DHRS7: variants seen among roughly 807,000 people sequenced by gnomAD.
DHRS7 encodes the protein dehydrogenase/reductase 7.
DHRS7 carries 34 observed loss-of-function variants against 38.9 expected under a neutral mutation model. That is an observed-to-expected ratio of 0.87 (90% confidence interval 0.66 to 1.16). The LOEUF is 1.16. Among genes scored for constraint, DHRS7 ranks in the 50% most tolerant of loss-of-function variants. The probability of loss-of-function intolerance (pLI) is 0.00; values close to 1 mark genes in which losing one functional copy is unlikely to be tolerated. For missense variants in DHRS7, 421 were observed against 407.0 expected (o/e 1.03, Z -0.30); for synonymous variants, 158 against 153.1 (o/e 1.03, Z -0.24).
At chr14:60,163,797 T>A (rs12434409) in intron 1 of DHRS7, among the ~76,000 whole-genome samples, 3,257 of 152,300 alleles carry the variant, frequency 0.021, 118 homozygotes, top group African/African-American at 0.075. Flanking sequence ...AAATATAATC[T>A]ATTTTCGTTT....
At chr14:60,167,155 TGAG>T (rs1896878834), upstream of DHRS7, among the ~76,000 whole-genome samples, 1 of 152,354 alleles carries the variant, frequency 6.6e-6, no homozygotes, top group African/African-American at 2.4e-5. Context: ...GATAAATGCT[TGAG>T]GGGGTGGATA....
chr14:60,163,495 A>G (rs1896804073), intron 1 of DHRS7, among the ~76,000 whole-genome samples: 1 of 152,224 alleles, frequency 6.6e-6, no homozygotes, highest in Non-Finnish European at 1.5e-5. Context: ...GATAAATAGC[A>G]ATTTATCAAA....
upstream of DHRS7, chr14:60,169,131 AC>A (rs753887334): frequency 1.0e-4 from 12 of 119,004 alleles, no homozygotes; most frequent in African/African-American, 3.0e-4. Flanking sequence ...AACAAAAGAA[AC>A]CAAAAAAAAA....
At chr14:60,150,498 G>A (rs959828202) in intron 4 of DHRS7, among the ~76,000 whole-genome samples, 1 of 151,850 alleles carries the variant, frequency 6.6e-6, no homozygotes, top group Non-Finnish European at 1.5e-5. Flanking sequence ...CCCACTGTGT[G>A]ATGTTCCCCT....
At position 60,146,246 on chromosome 14, in the gene DHRS7, G is replaced by A. The variant is rs994915609; in HGVS notation, c.973-1233C>T. On this transcript the variant is annotated intron_variant, in intron 6 of 6. Coordinates refer to ENST00000557185, the MANE Select transcript of DHRS7 (RefSeq NM_016029.4). The surrounding 1 kb of genome is among the most constrained non-coding windows in gnomAD (Gnocchi z 4.9). ...AAAAACCTAGATGTAAAAAAAATGC[G>A]AGATTTGCTAAATGATGTTTATATT... 6.6e-5 allele frequency: 10 copies of A among 151,868 alleles called. No individual in the cohort carries two copies. Among genetic ancestry groups the A allele is most frequent in the Non-Finnish European group, 1.3e-4 (9 of 67,960 alleles). 9.4% of individuals were successfully genotyped at this position (151,868 alleles called of 1,614,324 possible). A position where few individuals can be genotyped will look rare whatever the true frequency, so the allele number is the denominator to read the frequency against.
In DHRS7 at chr14:60,153,877, C is replaced by G. The variant is rs1896601530; in HGVS notation, c.393+82G>C. 1 of 1,324,966 alleles carries G rather than the reference C, an allele frequency of 7.5e-7. No individual in the cohort carries two copies. Among genetic ancestry groups the G allele is most frequent in the Non-Finnish European group, 1.1e-6 (1 of 922,714 alleles). The allele number at this position is 1,324,966 out of a possible 1,614,324, so 82.1% of individuals were successfully genotyped here. A position where few individuals can be genotyped will look rare whatever the true frequency, so the allele number is the denominator to read the frequency against. The stretch of plus-strand genomic sequence containing the variant: ...GCATGGACCCCACTTGCCTAAAGCC[C>G]TTTGTATGACAGCACCACGGATGGG... On this transcript the variant is annotated intron_variant, in intron 3 of 6. Transcript: ENST00000557185. The surrounding 1 kb of genome is among the most constrained non-coding windows in gnomAD (Gnocchi z 4.4).
rs191428528 is a variant in DHRS7, at chr14:60,160,899, C to T, written c.133+4278G>A. On this transcript the variant is annotated intron_variant, in intron 1 of 6. Coordinates refer to ENST00000557185, the MANE Select transcript of DHRS7 (RefSeq NM_016029.4). Reference sequence around the variant, plus strand: ...AGCTACCGCATCTGGCCAACTTTGACTAATCTTATGTACCACATCTGGAAG... The same window carrying T: ...AGCTACCGCATCTGGCCAACTTTGATTAATCTTATGTACCACATCTGGAAG... 2.8e-4 allele frequency among the ~76,000 whole-genome samples: 43 copies of T among 152,270 alleles called. No homozygotes were observed. The East Asian group carries it at 5.6e-3, about 20-fold the overall frequency.
Position 60,149,414 on chromosome 14 carries a change from C to T in DHRS7, c.911G>A (p.Trp304Ter), listed in dbSNP as rs976889155. 15 of 1,614,146 alleles carry T rather than the reference C, an allele frequency of 9.3e-6. No homozygotes were observed. The highest frequency in any genetic ancestry group is 1.6e-4 in the Middle Eastern group (1 of 6,062). ...VTYLWQYMPT[W>*]AWWITNKMGK... ...CATCTTGTTGGTTATCCACCAGGCC[C>T]AGGTTGGCATGTATTGCCACAAATA... Residue 304 changes from tryptophan to a stop codon, truncating the protein, a stop_gained, in exon 6 of 7, where the codon TGG becomes TAG. Transcript: ENST00000557185. LOFTEE classifies it high-confidence loss of function.
chr14:60,149,462 T>C lies in DHRS7; in HGVS notation c.863A>G (p.Glu288Gly). 6.2e-7 allele frequency: 1 copy of C among 1,614,192 alleles called. No homozygotes were observed. Among genetic ancestry groups the C allele is most frequent in the Non-Finnish European group, 8.5e-7 (1 of 1,180,022 alleles). ...ATATGTTACTAACAAGAAAGGTTGT[T>C]CTGAGATCCAAACTTCTTTCAAATC... ...ANDLKEVWIS[E>G]QPFLLVTYLW... Residue 288 changes from glutamate (E) to glycine (G), a missense_variant, in exon 6 of 7, where the codon GAA becomes GGA. Coordinates refer to ENST00000557185, the MANE Select transcript of DHRS7 (RefSeq NM_016029.4).
Position 60,148,700 on chromosome 14 carries a change from A to G in DHRS7, c.972+653T>C, listed in dbSNP as rs1896465795. On this transcript the variant is annotated intron_variant, in intron 6 of 6. Transcript: ENST00000557185. The surrounding 1 kb of genome is among the most constrained non-coding windows in gnomAD (Gnocchi z 4.8). ...CTGGGGAGAAGTGGGAGGGAAGGCCAGGTACCATTCCAAGGAGGTGACATG... is the reference window on the plus strand; with the variant it reads ...CTGGGGAGAAGTGGGAGGGAAGGCCGGGTACCATTCCAAGGAGGTGACATG... Among the ~76,000 whole-genome samples the G allele has an allele frequency of 6.6e-6, 1 of 152,138 alleles. No homozygotes were observed. The highest frequency in any genetic ancestry group is 6.6e-5 in the Admixed American group (1 of 15,266).
Position 60,162,048 on chromosome 14 carries a change from C to T in DHRS7, c.133+3129G>A, listed in dbSNP as rs1034170450. ...GACTTGTGCCATGGATTTTTCTGGA[C>T]CATTTTAATGTCTAAAATTAGTCAC... On this transcript the variant is annotated intron_variant, in intron 1 of 6. Transcript: ENST00000557185. This position sits in a 1 kb window ranked among gnomAD's most constrained non-coding sequence, Gnocchi z 4.5. 5.3e-5 allele frequency among the ~76,000 whole-genome samples: 8 copies of T among 152,150 alleles called. No homozygotes were observed. The highest frequency in any genetic ancestry group is 1.3e-4 in the Admixed American group (2 of 15,280).
intron 4 of DHRS7, chr14:60,152,732 A>G (rs890146713): frequency 1.7e-6 from 1 of 592,684 alleles, no homozygotes; most frequent in Admixed American, 3.0e-5. Context: ...AGTGCTTGAT[A>G]CATATTTATT....
intron 1 of DHRS7, among the ~76,000 whole-genome samples, chr14:60,159,513 A>G (rs1896720892): frequency 6.6e-6 from 1 of 152,262 alleles, no homozygotes; most frequent in Non-Finnish European, 1.5e-5. Context: ...ATGTTAGTCT[A>G]TGAGAATGTG....
At chr14:60,150,017 A>G (rs1305174648) in intron 5 of DHRS7, 48 bp downstream of exon 5, 6 of 1,572,818 alleles carry the variant, frequency 3.8e-6, no homozygotes, top group Non-Finnish European at 5.2e-6. Flanking sequence ...TATAATGCCA[A>G]TATATAACTA....
chr14:60,151,025 C>G (rs999713981), intron 4 of DHRS7, among the ~76,000 whole-genome samples: 1 of 152,048 alleles, frequency 6.6e-6, no homozygotes, highest in Non-Finnish European at 1.5e-5. Flanking sequence ...TATTTATTCC[C>G]CAAAGTAGTC....
chr14:60,153,115 C>A lies in DHRS7; in HGVS notation c.457G>T (p.Asp153Tyr). ...AGCTCTATTAGCTTTCTGTAGACAT[C>A]CAAGCTGGTATCCATGCACAGAGAA... is the stretch of plus-strand genomic sequence containing the variant. ...QRSLCMDTSL[D>Y]VYRKLIELNY... The change falls in exon 4 of 7, where the codon GAT becomes TAT. Residue 153 changes from aspartate to tyrosine, a missense_variant. By Grantham distance (160) the Asp-to-Tyr change is radical (BLOSUM62 -3). Transcript: ENST00000557185. The surrounding 1 kb of genome is among the most constrained non-coding windows in gnomAD (Gnocchi z 4.4). 1 of 1,614,184 alleles carries A rather than the reference C, an allele frequency of 6.2e-7. No homozygotes were observed. The highest frequency in any genetic ancestry group is 2.2e-5 in the East Asian group (1 of 44,884).
In DHRS7 at chr14:60,148,491, T is replaced by C. The variant is rs951667103; in HGVS notation, c.972+862A>G. On this transcript the variant is annotated intron_variant, in intron 6 of 6. Coordinates refer to ENST00000557185, the MANE Select transcript of DHRS7 (RefSeq NM_016029.4). The surrounding 1 kb of genome is among the most constrained non-coding windows in gnomAD (Gnocchi z 4.8). ...CTCAGAAATGGTTAATAGTATTCCC[T>C]GACTAATTGCTATAAAGAATGAGTG... Among the ~76,000 whole-genome samples the C allele has an allele frequency of 9.2e-5, 14 of 152,318 alleles. No homozygotes were observed. Among genetic ancestry groups the C allele is most frequent in the African/African-American group, 2.6e-4 (11 of 41,582 alleles).
intron 4 of DHRS7, among the ~76,000 whole-genome samples, chr14:60,151,536 CAAA>C (rs374087187): frequency 2.2e-3 from 241 of 111,386 alleles, no homozygotes; most frequent in African/African-American, 6.9e-3. Flanking sequence ...GAGATGAACC[CAAA>C]AAAAAAAAAA....
chr14:60,168,977 C>T, upstream of DHRS7: 1 of 443,934 alleles, frequency 2.3e-6, no homozygotes, highest in African/African-American at 2.0e-5. Context: ...GATATGTTAA[C>T]ATACATTGCA....
Sources: allele counts gnomAD v4.1 joint callset (sites outside exome capture counted in the v4.1 genomes callset), GRCh38; gene constraint gnomAD v4.1.1; non-coding constraint Gnocchi (gnomAD v3.1); transcripts MANE v1.5; gene names NCBI Gene and HGNC (gene_info 2026-07-23, HGNC 2026-07-21).